The following MBOAT2 variants were observed in gnomAD, a reference collection of about 807,000 sequenced individuals.
MBOAT2 encodes the protein membrane bound glycerophospholipid O-acyltransferase 2.
Under a neutral mutation model 63.4 loss-of-function variants are expected in MBOAT2, and 28 were observed. The ratio of observed to expected loss-of-function variants is 0.44; its 90% CI spans 0.33 to 0.61. The LOEUF is 0.61. MBOAT2 is among the 20% of genes least tolerant of loss of function. MBOAT2 has a pLI of 0.03. For missense variants in MBOAT2, 470 were observed against 605.8 expected (o/e 0.78, Z 2.35); for synonymous variants, 211 against 215.6 (o/e 0.98, Z 0.19).
chr2:8,963,154 C>T (rs985150246), intron 1 of MBOAT2, among the ~76,000 whole-genome samples: 5 of 151,146 alleles, frequency 3.3e-5, no homozygotes, highest in Non-Finnish European at 5.9e-5. Flanking sequence ...GGAAGGATTG[C>T]TTGAGCCTTG....
intron 4 of MBOAT2, among the ~76,000 whole-genome samples, chr2:8,890,147 C>CT (rs1239253976): frequency 6.6e-6 from 1 of 152,168 alleles, no homozygotes; most frequent in Non-Finnish European, 1.5e-5. Flanking sequence ...CCAAATGCTG[C>CT]TCCCTTTACC....
chr2:8,899,936 T>C (rs956424589), intron 4 of MBOAT2, among the ~76,000 whole-genome samples: 4 of 152,206 alleles, frequency 2.6e-5, no homozygotes, highest in African/African-American at 9.7e-5. Flanking sequence ...CTTTTGGAGC[T>C]TTCTCCTGAT....
chr2:8,974,521 C>T, intron 1 of MBOAT2: 1 of 432,444 alleles, frequency 2.3e-6, no homozygotes, highest in Non-Finnish European at 4.7e-6. Flanking sequence ...ATTAACCAAT[C>T]CAGAAAGCAT....
intron 1 of MBOAT2, among the ~76,000 whole-genome samples, chr2:8,968,017 C>G (rs530741244): frequency 6.6e-6 from 1 of 152,152 alleles, no homozygotes; most frequent in East Asian, 1.9e-4. Context: ...TCCAACTGAG[C>G]TCTGAAGAGA....
intron 12 of MBOAT2, 42 bp downstream of exon 12, chr2:8,860,571 T>TA: frequency 6.3e-7 from 1 of 1,584,876 alleles, no homozygotes; most frequent in Admixed American, 1.8e-5. Context: ...CTTTTGAAAA[T>TA]AGAGTTATTC....
chr2:8,992,465 T>G (rs146649829), intron 1 of MBOAT2, among the ~76,000 whole-genome samples: 1 of 152,342 alleles, frequency 6.6e-6, no homozygotes, highest in African/African-American at 2.4e-5. Flanking sequence ...AAGTAAAGTA[T>G]CACTTAGATG....
Position 8,862,378 on chromosome 2 carries a change from A to T in MBOAT2, c.1185+212T>A. On this transcript the variant is annotated intron_variant, in intron 11 of 12. Coordinates refer to ENST00000305997, the MANE Select transcript of MBOAT2 (RefSeq NM_138799.4). This position sits in a 1 kb window ranked among gnomAD's most constrained non-coding sequence, Gnocchi z 4.3. ...CCTCCTACCTGCCGGGCACATAGAA[A>T]CGTGTTTTCTCCTCACAGGAACTGG... The T allele has an allele frequency of 7.0e-7, 1 of 1,433,854 alleles. No individual in the cohort carries two copies. The highest frequency in any genetic ancestry group is 1.4e-5 in the African/African-American group (1 of 70,568). 88.8% of individuals were successfully genotyped at this position (1,433,854 alleles called of 1,614,324 possible).
chr2:8,864,346 A>G (rs1661707546), intron 9 of MBOAT2, 112 bp from the exon 10 acceptor site: 1 of 511,688 alleles, frequency 2.0e-6, no homozygotes, highest in African/African-American at 2.0e-5. Flanking sequence ...CATCGATGGT[A>G]GTATAGTGAT....
chr2:8,878,249 G>C (rs1342116158), intron 6 of MBOAT2, among the ~76,000 whole-genome samples: 2 of 152,156 alleles, frequency 1.3e-5, no homozygotes, highest in Non-Finnish European at 2.9e-5. Flanking sequence ...CAGTGAAAAT[G>C]GGTAGTTAAC....
intron 8 of MBOAT2, among the ~76,000 whole-genome samples, chr2:8,870,894 C>A (rs890732620): frequency 6.6e-6 from 1 of 152,066 alleles, no homozygotes. Flanking sequence ...TAAAAATGCA[C>A]AAGATTCATT....
At chr2:9,001,800 GA>G (rs1175815379) in intron 1 of MBOAT2, among the ~76,000 whole-genome samples, 2 of 152,180 alleles carry the variant, frequency 1.3e-5, no homozygotes, top group East Asian at 3.9e-4. Context: ...GCATAGTCAA[GA>G]AAATATTTCA....
At chr2:8,975,184 C>T (rs543854537) in intron 1 of MBOAT2, among the ~76,000 whole-genome samples, 1 of 152,270 alleles carries the variant, frequency 6.6e-6, no homozygotes, top group African/African-American at 2.4e-5. Flanking sequence ...CTGACCAATG[C>T]CACCATCTTA....
At chr2:8,861,768 A>G (rs976856709) in intron 11 of MBOAT2, among the ~76,000 whole-genome samples, 3 of 152,192 alleles carry the variant, frequency 2.0e-5, no homozygotes, top group African/African-American at 7.2e-5. Context: ...CTTAGTATTT[A>G]TAACACCCAC....
At chr2:8,977,377 T>A (rs1670894483) in intron 1 of MBOAT2, among the ~76,000 whole-genome samples, 1 of 152,156 alleles carries the variant, frequency 6.6e-6, no homozygotes, top group South Asian at 2.1e-4. Flanking sequence ...AATACAGATG[T>A]GGAATACTGA....
At chr2:8,980,678 C>T (rs1027538299) in intron 1 of MBOAT2, among the ~76,000 whole-genome samples, 20 of 152,158 alleles carry the variant, frequency 1.3e-4, no homozygotes, top group African/African-American at 4.8e-4. Context: ...TACCACTTCA[C>T]ATCCACCAAG....
intron 1 of MBOAT2, among the ~76,000 whole-genome samples, chr2:8,989,946 G>A (rs946727220): frequency 7.2e-5 from 11 of 152,208 alleles, no homozygotes; most frequent in African/African-American, 2.7e-4. Flanking sequence ...ACACTCTTGT[G>A]CACACAGATA....
intron 2 of MBOAT2, among the ~76,000 whole-genome samples, chr2:8,947,674 C>T (rs926849240): frequency 6.6e-6 from 1 of 152,228 alleles, no homozygotes; most frequent in Admixed American, 6.5e-5. Flanking sequence ...GTCTGAACCA[C>T]AGCAGCTCTG....
chr2:8,869,293 C>T (rs1474687836), intron 8 of MBOAT2, among the ~76,000 whole-genome samples: 1 of 151,732 alleles, frequency 6.6e-6, no homozygotes, highest in Non-Finnish European at 1.5e-5. Flanking sequence ...GCCATCTTCC[C>T]ACCTTGGCCT....
chr2:8,955,176 C>A (rs1036330365), intron 2 of MBOAT2, among the ~76,000 whole-genome samples: 1 of 152,202 alleles, frequency 6.6e-6, no homozygotes, highest in Non-Finnish European at 1.5e-5. Flanking sequence ...TGCTGAGTCA[C>A]CAAGGAATGG....
Sources: allele counts gnomAD v4.1 joint callset (sites outside exome capture counted in the v4.1 genomes callset), GRCh38; gene constraint gnomAD v4.1.1; non-coding constraint Gnocchi (gnomAD v3.1); transcripts MANE v1.5; gene names NCBI Gene and HGNC (gene_info 2026-07-23, HGNC 2026-07-21).